Variants in COPG2 observed in about 807,000 individuals in gnomAD.
COPG2 encodes coat protein complex I subunit gamma 2.
Under a neutral mutation model 46.3 loss-of-function variants are expected in COPG2, and 37 were observed. The ratio of observed to expected loss-of-function variants is 0.80; its 90% CI spans 0.61 to 1.05. The LOEUF is 1.05. COPG2 is among the 50% of genes least tolerant of loss of function. The pLI, the probability that COPG2 is intolerant of heterozygous loss-of-function variation, is 0.00. For missense variants in COPG2, 427 were observed against 387.8 expected (o/e 1.10, Z -0.85); for synonymous variants, 159 against 129.7 (o/e 1.23, Z -1.53).
intron 5 of COPG2, among the ~76,000 whole-genome samples, chr7:130,636,675 C>G (rs915035806): frequency 3.3e-5 from 5 of 151,616 alleles, no homozygotes; most frequent in African/African-American, 1.2e-4. Context: ...ACTCCTTATC[C>G]AATTTGCCAG....
chr7:130,508,354 G>T (rs1464349134), intron 21 of COPG2: 5 of 443,352 alleles, frequency 1.1e-5, no homozygotes, highest in African/African-American at 1.0e-4. Context: ...TTTTAATGAT[G>T]AAGTGGTAAA....
rs1027885136 is a variant in COPG2 at position 130,518,847 on chromosome 7, T to C, written c.2150-10188A>G. Among the ~76,000 whole-genome samples the C allele has an allele frequency of 2.6e-5, 4 of 151,354 alleles. No homozygotes were observed. The South Asian group carries it at 8.4e-4, about 32-fold the overall frequency. On this transcript the variant is annotated intron_variant, in intron 20 of 23. Transcript: ENST00000425248. ...GGAGAAACCCCGTCTCTACTAAAAATACAAAAAAATTAGCTGGGAGTGGTG... is the reference window on the plus strand; with the variant it reads ...GGAGAAACCCCGTCTCTACTAAAAACACAAAAAAATTAGCTGGGAGTGGTG...
intron 9 of COPG2, among the ~76,000 whole-genome samples, chr7:130,598,082 G>A (rs1554449911): frequency 2.0e-5 from 3 of 152,044 alleles, no homozygotes; most frequent in South Asian, 4.1e-4. Context: ...AATGGTTGCC[G>A]CTTCTAGTGT....
chr7:130,528,145 C>T (rs1220914019), intron 20 of COPG2, among the ~76,000 whole-genome samples: 2 of 151,638 alleles, frequency 1.3e-5, no homozygotes, highest in Admixed American at 6.6e-5. Context: ...TCAGGCAGGG[C>T]GGGAGAGTCA....
chr7:130,605,086 CAT>C, intron 9 of COPG2: 1 of 451,298 alleles, frequency 2.2e-6, no homozygotes, highest in Non-Finnish European at 4.3e-6. Flanking sequence ...ATTCCAATTA[CAT>C]ATGTGTTAGG....
chr7:130,610,865 C>G, intron 9 of COPG2, 88 bp downstream of exon 9: 2 of 1,333,914 alleles, frequency 1.5e-6, no homozygotes, highest in East Asian at 4.6e-5. Context: ...TTAGCACTGC[C>G]CCAAAAAAAA....
intron 12 of COPG2, among the ~76,000 whole-genome samples, chr7:130,560,212 A>C (rs1793696016): frequency 6.6e-6 from 1 of 152,172 alleles, no homozygotes; most frequent in African/African-American, 2.4e-5. Flanking sequence ...AAAGTTTTTC[A>C]TTAATAGTAA....
intron 9 of COPG2, among the ~76,000 whole-genome samples, chr7:130,576,864 C>A (rs782464471): frequency 2.6e-5 from 4 of 152,016 alleles, no homozygotes; most frequent in Non-Finnish European, 4.4e-5. Flanking sequence ...AATTGATAGA[C>A]CATTAGCAAG....
At chr7:130,659,071 T>C (rs956656693) in intron 4 of COPG2, among the ~76,000 whole-genome samples, 6 of 152,010 alleles carry the variant, frequency 3.9e-5, no homozygotes, top group Admixed American at 1.3e-4. Context: ...GAAAATATGC[T>C]TAGGCCGGGC....
intron 5 of COPG2, 45 bp downstream of exon 5, chr7:130,652,824 G>A: frequency 8.2e-7 from 1 of 1,223,642 alleles, no homozygotes. Context: ...AAAGCAAACA[G>A]CAAATATATA....
intron 12 of COPG2, among the ~76,000 whole-genome samples, chr7:130,558,994 G>A (rs1793675500): frequency 1.3e-5 from 2 of 151,934 alleles, no homozygotes; most frequent in Admixed American, 6.6e-5. Flanking sequence ...AAAATTTGAA[G>A]GGAATATAAT....
In COPG2 at chr7:130,506,529, T is replaced by A. The variant is rs1554440035; in HGVS notation, c.*147A>T. Reference sequence around the variant, plus strand: ...CCCATGCGCAAAGATAGACATTTGCTTGATCTGCTGGCTCAGGGCCAAATG... The same window carrying A: ...CCCATGCGCAAAGATAGACATTTGCATGATCTGCTGGCTCAGGGCCAAATG... On this transcript the variant is annotated 3_prime_UTR_variant, in exon 24 of 24. Transcript: ENST00000425248. 4 of 482,642 alleles carry A rather than the reference T, an allele frequency of 8.3e-6. No individual in the cohort carries two copies. Among genetic ancestry groups the A allele is most frequent in the Non-Finnish European group, 1.5e-5 (4 of 272,830 alleles). 29.9% of individuals were successfully genotyped at this position (482,642 alleles called of 1,614,324 possible).
chr7:130,583,248 CA>C (rs1197954132), intron 9 of COPG2, among the ~76,000 whole-genome samples: 1 of 141,524 alleles, frequency 7.1e-6, no homozygotes. Flanking sequence ...ATCGCAAGAA[CA>C]AAAAACCAAA....
Position 130,509,733 on chromosome 7 carries a change from TAAATA to T in COPG2, c.2150-1079_2150-1075del, listed in dbSNP as rs140898988. 3.6e-3 allele frequency: 1,877 copies of T among 519,444 alleles called. 31 individuals are homozygous for T. The highest frequency in any genetic ancestry group is 0.033 in the African/African-American group (1,711 of 52,002). The allele number at this position is 519,444 out of a possible 1,614,324, so 32.2% of individuals were successfully genotyped here. On this transcript the variant is annotated intron_variant, in intron 20 of 23. Transcript: ENST00000425248. Reference sequence around the variant, plus strand: ...CTGTCTCTAGGAGCTGTCTAGGAGTTAAATAAGTGTGTGGGCTGTGTGTGTGTGTG... The same window carrying T: ...CTGTCTCTAGGAGCTGTCTAGGAGTTAGTGTGTGGGCTGTGTGTGTGTGTG...
chr7:130,574,705 C>T (rs182027346), intron 9 of COPG2, among the ~76,000 whole-genome samples: 8 of 152,098 alleles, frequency 5.3e-5, no homozygotes, highest in Middle Eastern at 6.8e-3. Flanking sequence ...AGAAGAAATC[C>T]TTGATTTACC....
chr7:130,551,407 C>T (rs1047424323), intron 15 of COPG2, 63 bp from the exon 16 acceptor site: 5 of 397,404 alleles, frequency 1.3e-5, no homozygotes, highest in Non-Finnish European at 2.2e-5. Flanking sequence ...AGCTCTACTA[C>T]CAAATCTAAA....
At chr7:130,524,980 A>AGGAAGAATT (rs1799759866) in intron 20 of COPG2, among the ~76,000 whole-genome samples, 1 of 152,126 alleles carries the variant, frequency 6.6e-6, no homozygotes, top group African/African-American at 2.4e-5. Flanking sequence ...AGGGTAGGGA[A>AGGAAGAATT]GGAAGAATTG....
In COPG2 at chr7:130,561,442, CCTTT is replaced by C. The variant is rs1793718216; in HGVS notation, c.940-225_940-222del. The stretch of plus-strand genomic sequence containing the variant: ...ACTCTCTTTTGTTAGGTTCCTCTAA[CCTTT>C]CTAACATTACCATTTTTAAAAAATT... On this transcript the variant is annotated intron_variant, in intron 11 of 23. Coordinates refer to ENST00000425248, the MANE Select transcript of COPG2 (RefSeq NM_012133.6). 3.9e-5 allele frequency among the ~76,000 whole-genome samples: 6 copies of C among 152,304 alleles called. No individual in the cohort carries two copies. The South Asian group carries it at 1.2e-3, about 32-fold the overall frequency.
chr7:130,598,474 A>G (rs539139042), intron 9 of COPG2, among the ~76,000 whole-genome samples: 126 of 152,336 alleles, frequency 8.3e-4, no homozygotes, highest in Non-Finnish European at 1.4e-3. Flanking sequence ...GATTTCTAAA[A>G]TGGAAATAAA....
Sources: allele counts gnomAD v4.1 joint callset (sites outside exome capture counted in the v4.1 genomes callset), GRCh38; gene constraint gnomAD v4.1.1; transcripts MANE v1.5; gene names NCBI Gene and HGNC (gene_info 2026-07-23, HGNC 2026-07-21).